Variants in AK8 observed in about 807,000 individuals in gnomAD.
AK8 encodes adenylate kinase 8.
Under a neutral mutation model 54.6 loss-of-function variants are expected in AK8, and 44 were observed. The observed-to-expected ratio is 0.81, with a 90% CI of 0.63 to 1.04. AK8 has a LOEUF of 1.04. AK8 is among the 50% of genes least tolerant of loss of function. The pLI is 0.00. For missense variants in AK8, 555 were observed against 613.6 expected (o/e 0.90, Z 1.01); for synonymous variants, 239 against 245.6 (o/e 0.97, Z 0.25).
intron 2 of AK8, 64 bp downstream of exon 2, chr9:132,875,051 A>G: frequency 3.1e-6 from 5 of 1,595,860 alleles, no homozygotes; most frequent in South Asian, 2.2e-5. Flanking sequence ...GAGTCAGGGA[A>G]GAAGGGGAAG....
chr9:132,740,465 C>T (rs1256293961), intron 11 of AK8, among the ~76,000 whole-genome samples: 1 of 152,224 alleles, frequency 6.6e-6, no homozygotes, highest in Non-Finnish European at 1.5e-5. Context: ...CATCACGGAG[C>T]TCATCTTGCA....
intron 4 of AK8, among the ~76,000 whole-genome samples, chr9:132,863,285 C>T (rs1393253742): frequency 6.6e-6 from 1 of 152,242 alleles, no homozygotes; most frequent in African/African-American, 2.4e-5. Flanking sequence ...CAACTGCTGG[C>T]GCAGCCCAAC....
At chr9:132,878,570 C>T (rs1165233456), upstream of AK8, 2 of 1,136,794 alleles carry the variant, frequency 1.8e-6, no homozygotes, top group Non-Finnish European at 2.2e-6. This position sits in a 1 kb window ranked among gnomAD's most constrained non-coding sequence, Gnocchi z 4.7. Context: ...CAAGTCGGCC[C>T]TCCGAGGGGA....
rs757398927 is a variant in AK8, at chr9:132,863,725, C to G, written c.273G>C (p.Leu91=). Residue 91 remains leucine (L), a synonymous_variant, in exon 4 of 13, where the codon CTG becomes CTC. Transcript: ENST00000298545. The stretch of plus-strand genomic sequence containing the variant: ...CCGTATAGGAAAACTCATTTAAGAT[C>G]AGGTTCTCCAGGGTGAGGAGACTGC... ...LNSSLLTLEN[L]ILNEFSYTAT... The G allele has an allele frequency of 6.2e-7, 1 of 1,614,170 alleles. No individual in the cohort carries two copies. The highest frequency in any genetic ancestry group is 1.7e-5 in the Admixed American group (1 of 60,022).
intron 5 of AK8, among the ~76,000 whole-genome samples, chr9:132,839,830 G>GGGA (rs1554801293): frequency 7.1e-6 from 1 of 141,434 alleles, no homozygotes; most frequent in Non-Finnish European, 1.5e-5. Context: ...CGGGGGGGGG[G>GGGA]GCGCAGGGAC....
At chr9:132,732,015 T>C (rs1480681355) in intron 11 of AK8, among the ~76,000 whole-genome samples, 1 of 152,218 alleles carries the variant, frequency 6.6e-6, no homozygotes, top group African/African-American at 2.4e-5. Flanking sequence ...TGAAGATGGT[T>C]CATCTGCTCA....
intron 5 of AK8, among the ~76,000 whole-genome samples, chr9:132,846,906 C>A (rs1477436071): frequency 6.6e-6 from 1 of 152,240 alleles, no homozygotes; most frequent in African/African-American, 2.4e-5. Context: ...TGTAGGGTCC[C>A]GTGAAGCTGG....
chr9:132,769,069 A>C (rs1391646997), intron 11 of AK8: 2 of 19,256 alleles, frequency 1.0e-4, no homozygotes, highest in Non-Finnish European at 2.1e-4. Context: ...AAGTGCTAGG[A>C]GGGGAAATGG....
chr9:132,777,592 T>C (rs1022878640), intron 11 of AK8, among the ~76,000 whole-genome samples: 1 of 152,178 alleles, frequency 6.6e-6, no homozygotes, highest in Non-Finnish European at 1.5e-5. Context: ...CATACATATT[T>C]TCCCAGCAAA....
intron 9 of AK8, among the ~76,000 whole-genome samples, chr9:132,815,079 T>C (rs953036617): frequency 1.6e-4 from 25 of 152,232 alleles, no homozygotes; most frequent in Non-Finnish European, 1.0e-4. Flanking sequence ...TCCAGGGTGC[T>C]GCGGAGGATC....
At chr9:132,792,922 G>A (rs1038661717) in intron 10 of AK8, 147 bp from the exon 11 acceptor site, 106 of 1,033,394 alleles carry the variant, frequency 1.0e-4, no homozygotes, top group Non-Finnish European at 1.4e-4. Flanking sequence ...GGTTGTCAGT[G>A]CCTATTTCCC....
At chr9:132,843,204 G>A (rs903667294) in intron 5 of AK8, among the ~76,000 whole-genome samples, 2 of 152,106 alleles carry the variant, frequency 1.3e-5, no homozygotes. Flanking sequence ...TTTGGATCAT[G>A]GGGGCGGGTC....
intron 10 of AK8, among the ~76,000 whole-genome samples, chr9:132,808,439 G>T (rs189264794): frequency 9.2e-5 from 14 of 152,328 alleles, no homozygotes; most frequent in Non-Finnish European, 1.8e-4. Context: ...CTGAAGATGC[G>T]CTAAGATGGG....
At chr9:132,795,035 T>C (rs1193101969) in intron 10 of AK8, among the ~76,000 whole-genome samples, 1 of 152,184 alleles carries the variant, frequency 6.6e-6, no homozygotes, top group East Asian at 1.9e-4. Context: ...ATTTTCACGG[T>C]TGCCTGTGGT....
chr9:132,857,135 G>A (rs965902834), intron 4 of AK8, among the ~76,000 whole-genome samples: 1 of 152,050 alleles, frequency 6.6e-6, no homozygotes, highest in Non-Finnish European at 1.5e-5. Context: ...TTATCCTACC[G>A]CCCCCTTCCC....
intron 5 of AK8, among the ~76,000 whole-genome samples, chr9:132,836,907 G>A (rs1842348185): frequency 6.6e-6 from 1 of 152,222 alleles, no homozygotes; most frequent in Non-Finnish European, 1.5e-5. Flanking sequence ...AGGCAACGAT[G>A]TACCTAAAGT....
chr9:132,866,765 C>T (rs1843615600), intron 3 of AK8, 139 bp downstream of exon 3: 1 of 851,790 alleles, frequency 1.2e-6, no homozygotes, highest in Non-Finnish European at 1.9e-6. Flanking sequence ...ATACACACTA[C>T]CTTTTGTAAT....
chr9:132,750,095 G>A (rs546466548), intron 11 of AK8, among the ~76,000 whole-genome samples: 1 of 150,906 alleles, frequency 6.6e-6, no homozygotes, highest in African/African-American at 2.4e-5. Flanking sequence ...CAGGCTTCTT[G>A]GCCTCTCTGT....
At position 132,828,745 on chromosome 9, in the gene AK8, G is replaced by A; in HGVS notation, c.403-19C>T. 1 of 1,587,422 alleles carries A rather than the reference G, an allele frequency of 6.3e-7. No homozygotes were observed. The highest frequency in any genetic ancestry group is 1.1e-5 in the South Asian group (1 of 89,104). On this transcript the variant is annotated intron_variant, in intron 5 of 12. Transcript: ENST00000298545. ...TCCAGCCCTAGACAGAAGATTCAGA[G>A]AGGTGCTCATCTGTTTTGAGTTTTA...
Sources: gnomAD v4.1 joint callset for allele counts (sites outside exome capture counted in the v4.1 genomes callset) on GRCh38, gnomAD v4.1.1 for gene constraint, Gnocchi (gnomAD v3.1) non-coding constraint, MANE v1.5 for transcripts, NCBI Gene and HGNC (gene_info 2026-07-23, HGNC 2026-07-21) for gene names.